The following EFL1 variants were observed in gnomAD, a reference collection of about 807,000 sequenced individuals.
The protein encoded by EFL1 is elongation factor-like GTPase 1.
Under a neutral mutation model 126.7 loss-of-function variants are expected in EFL1, and 76 were observed. The ratio of observed to expected loss-of-function variants is 0.60; its 90% CI spans 0.50 to 0.73. EFL1 has a LOEUF of 0.73. Ranked by LOEUF, EFL1 falls within the 30% of genes least tolerant of loss-of-function variation. The pLI is 0.00. For synonymous variants in EFL1, 410 were observed against 448.4 expected, an observed-to-expected ratio of 0.91 and a Z score of 1.08; for missense variants, 1,128 against 1,343.2, an observed-to-expected ratio of 0.84 and a Z score of 2.50.
At chr15:82,233,812 C>A (rs2074846092) in intron 7 of EFL1, 1 of 152,176 alleles carries the variant, frequency 6.6e-6, no homozygotes, top group South Asian at 2.1e-4. Flanking sequence ...AACCATCTTG[C>A]AAATTCTGGA....
At chr15:82,164,128 G>GTTTT in intron 15 of EFL1, 144 bp from the exon 16 acceptor site, 2 of 769,658 alleles carry the variant, frequency 2.6e-6, no homozygotes. Flanking sequence ...GACCTGCACT[G>GTTTT]TTTTTTTTTT....
At chr15:82,222,215 C>A (rs1209265704) in intron 12 of EFL1, among the ~76,000 whole-genome samples, 1 of 152,052 alleles carries the variant, frequency 6.6e-6, no homozygotes, top group East Asian at 1.9e-4. Context: ...TTTATCACAA[C>A]AATTAAATGA....
chr15:82,163,868 C>A lies in EFL1; in HGVS notation c.1867G>T (p.Glu623Ter). Residue 623 changes from glutamate (E) to a stop codon, truncating the protein, a stop_gained, in exon 16 of 20, where the codon GAA becomes TAA. Coordinates refer to ENST00000268206, the MANE Select transcript of EFL1 (RefSeq NM_024580.6). LOFTEE classifies it high-confidence loss of function. ...GTCATCTTACTTGGATGTTTTGGTTCAACAGCAACTCTCACAATAGGAGTG... is the reference window on the plus strand; with the variant it reads ...GTCATCTTACTTGGATGTTTTGGTTAAACAGCAACTCTCACAATAGGAGTG... ...EATPIVRVAV[E>*]PKHPSEMPQL... is the part of the protein sequence containing the mutation. The A allele has an allele frequency of 6.2e-7, 1 of 1,613,806 alleles. No individual in the cohort carries two copies. Among genetic ancestry groups the A allele is most frequent in the South Asian group, 1.1e-5 (1 of 90,992 alleles).
At chr15:82,225,050 A>G in intron 12 of EFL1, 115 bp downstream of exon 12, 1 of 676,834 alleles carries the variant, frequency 1.5e-6, no homozygotes, top group Non-Finnish European at 2.4e-6. Context: ...CTTGATATGA[A>G]TTCTGGGTTG....
chr15:82,236,989 A>T (rs2074879464), intron 7 of EFL1, among the ~76,000 whole-genome samples: 1 of 152,142 alleles, frequency 6.6e-6, no homozygotes, highest in Admixed American at 6.5e-5. Flanking sequence ...AAAGAAACAC[A>T]AAAATTAGCT....
intron 15 of EFL1, among the ~76,000 whole-genome samples, chr15:82,180,359 C>CAAAAAAAAAAAA (rs71156028): frequency 1.7e-5 from 2 of 120,600 alleles, no homozygotes; most frequent in East Asian, 2.4e-4. Context: ...ATTAAACTGG[C>CAAAAAAAAAAAA]AAAAAAAAAA....
intron 19 of EFL1, among the ~76,000 whole-genome samples, chr15:82,136,663 C>T (rs1330899426): frequency 3.3e-5 from 5 of 152,130 alleles, no homozygotes; most frequent in South Asian, 2.1e-4. Context: ...TTTTAAAACC[C>T]ATCCCTTATA....
At chr15:82,248,930 G>A (rs1341586973) in intron 4 of EFL1, among the ~76,000 whole-genome samples, 1 of 151,658 alleles carries the variant, frequency 6.6e-6, no homozygotes, top group East Asian at 1.9e-4. Context: ...TAATAATATT[G>A]TACTTAATAA....
chr15:82,228,662 A>G (rs994137511), intron 9 of EFL1, among the ~76,000 whole-genome samples: 21 of 152,214 alleles, frequency 1.4e-4, no homozygotes, highest in Non-Finnish European at 1.8e-4. Context: ...TACTAAAGCA[A>G]ACTTATACCA....
intron 4 of EFL1, among the ~76,000 whole-genome samples, chr15:82,246,209 C>T (rs1473005669): frequency 6.6e-6 from 1 of 152,072 alleles, no homozygotes. Flanking sequence ...CTGAGAACTT[C>T]TCCACCTTTC....
Position 82,262,719 on chromosome 15 carries a change from G to C in EFL1, c.-125C>G, listed in dbSNP as rs2075141696. 1 of 830,238 alleles carries C rather than the reference G, an allele frequency of 1.2e-6. No homozygotes were observed. Among genetic ancestry groups the C allele is most frequent in the African/African-American group, 1.8e-5 (1 of 55,864 alleles). 51.4% of individuals were successfully genotyped at this position (830,238 alleles called of 1,614,324 possible). Reference sequence around the variant, plus strand: ...GCGGGTCCGACACGCCCGCGCGCCAGGGGGCGGGGCCGGCTGTCGCTCGAC... The same window carrying C: ...GCGGGTCCGACACGCCCGCGCGCCACGGGGCGGGGCCGGCTGTCGCTCGAC... On this transcript the variant is annotated 5_prime_UTR_variant, in exon 1 of 20. Transcript: ENST00000268206.
intron 15 of EFL1, among the ~76,000 whole-genome samples, chr15:82,165,085 T>A (rs1198352044): frequency 1.3e-5 from 2 of 151,874 alleles, no homozygotes; most frequent in Non-Finnish European, 2.9e-5. Flanking sequence ...CCAGCCTGGG[T>A]AACAGAGTGA....
At chr15:82,172,995 T>C (rs1052295175) in intron 15 of EFL1, among the ~76,000 whole-genome samples, 2 of 152,122 alleles carry the variant, frequency 1.3e-5, no homozygotes, top group Admixed American at 6.5e-5. Context: ...GAATATTTGT[T>C]ATGAAAAGAA....
intron 11 of EFL1, among the ~76,000 whole-genome samples, chr15:82,226,906 G>T (rs1250866773): frequency 6.6e-6 from 1 of 152,188 alleles, no homozygotes; most frequent in East Asian, 1.9e-4. Flanking sequence ...AAAAGCAGAA[G>T]CAAGGGAATG....
rs148999757 is a variant in EFL1, at chr15:82,217,926, G to A, written c.1611+1726C>T. Among the ~76,000 whole-genome samples the A allele has an allele frequency of 1.5e-3, 234 of 152,294 alleles. 2 individuals are homozygous for A. The highest frequency in any genetic ancestry group is 0.011 in the Admixed American group (166 of 15,302). On this transcript the variant is annotated intron_variant, in intron 14 of 19. Transcript: ENST00000268206. ...CAAGTTGGGAAGGTCCATATGACAA[G>A]AAACTGTAGGTGGCCTCTAGGAGCT...
intron 16 of EFL1, among the ~76,000 whole-genome samples, chr15:82,159,681 G>A (rs1421646829): frequency 6.6e-6 from 1 of 151,890 alleles, no homozygotes; most frequent in Non-Finnish European, 1.5e-5. Context: ...AAAGATATAA[G>A]AATTAACAAA....
At chr15:82,249,624 A>T (rs570533164) in intron 4 of EFL1, among the ~76,000 whole-genome samples, 88 of 152,252 alleles carry the variant, frequency 5.8e-4, no homozygotes, top group Middle Eastern at 3.4e-3. Flanking sequence ...TATTGTTAGG[A>T]ATACTTCCTA....
At chr15:82,131,152 A>C (rs1433944981) in intron 19 of EFL1, among the ~76,000 whole-genome samples, 1 of 152,172 alleles carries the variant, frequency 6.6e-6, no homozygotes, top group African/African-American at 2.4e-5. Flanking sequence ...AAAACTATTA[A>C]TTTTTCATAA....
chr15:82,238,402 G>A lies in EFL1; in HGVS notation c.636C>T (p.Ser212=), dbSNP rs749141634. 1 of 1,614,184 alleles carries A rather than the reference G, an allele frequency of 6.2e-7. No individual in the cohort carries two copies. The highest frequency in any genetic ancestry group is 8.5e-7 in the Non-Finnish European group (1 of 1,180,038). Reference sequence around the variant, plus strand: ...AATCATCTGTGTCCTCCAAGCCAGTGCTCCAGTCATATACTTGCTCTCCTT... The same window carrying A: ...AATCATCTGTGTCCTCCAAGCCAGTACTCCAGTCATATACTTGCTCTCCTT... The part of the protein sequence containing the change: ...SEQGEQVYDW[S]TGLEDTDDSH... The change falls in exon 7 of 20, where the codon AGC becomes AGT. Residue 212 remains serine, a synonymous_variant. Coordinates refer to ENST00000268206, the MANE Select transcript of EFL1 (RefSeq NM_024580.6).
Sources: gnomAD v4.1 joint callset for allele counts (sites outside exome capture counted in the v4.1 genomes callset) on GRCh38, gnomAD v4.1.1 for gene constraint, MANE v1.5 for transcripts, NCBI Gene and HGNC (gene_info 2026-07-23, HGNC 2026-07-21) for gene names.